ROBO2: variants seen among roughly 807,000 people sequenced by gnomAD.
The protein encoded by ROBO2 is roundabout homolog 2.
A neutral mutation model predicts 160.8 loss-of-function variants in ROBO2; 53 were observed. The ratio of observed to expected loss-of-function variants is 0.33; its 90% CI spans 0.26 to 0.41. ROBO2 has a LOEUF of 0.41. ROBO2 is among the 10% of genes least tolerant of loss of function. ROBO2 has a pLI of 1.00. For synonymous variants in ROBO2, 664 were observed against 611.7 expected, an observed-to-expected ratio of 1.09 and a Z score of -1.26; for missense variants, 1,577 against 1,722.4, an observed-to-expected ratio of 0.92 and a Z score of 1.49.
chr3:76,456,642 G>T (rs1205116669), intron 2 of ROBO2, among the ~76,000 whole-genome samples: 1 of 152,130 alleles, frequency 6.6e-6, no homozygotes, highest in Non-Finnish European at 1.5e-5. Flanking sequence ...TTTACATACA[G>T]CTTTTTAAAG....
chr3:76,864,424 A>T (rs1385818061), intron 2 of ROBO2, among the ~76,000 whole-genome samples: 1 of 152,110 alleles, frequency 6.6e-6, no homozygotes, highest in Non-Finnish European at 1.5e-5. Flanking sequence ...TTCCACCGAC[A>T]TCACAGAACT....
intron 2 of ROBO2, among the ~76,000 whole-genome samples, chr3:76,358,998 C>T (rs921588050): frequency 2.0e-5 from 3 of 147,162 alleles, no homozygotes; most frequent in African/African-American, 5.0e-5. Context: ...GTTCAATTCC[C>T]GCCTATGAGT....
At chr3:76,299,463 T>A (rs995677392) in intron 2 of ROBO2, among the ~76,000 whole-genome samples, 2 of 151,746 alleles carry the variant, frequency 1.3e-5, no homozygotes, top group Non-Finnish European at 2.9e-5. Context: ...ACAGAGAAAA[T>A]AAAGGGGAGA....
chr3:77,641,805 A>G (rs2095354830), intron 24 of ROBO2, among the ~76,000 whole-genome samples: 2 of 152,174 alleles, frequency 1.3e-5, no homozygotes, highest in South Asian at 4.1e-4. Flanking sequence ...AGTCGAAGGC[A>G]TACAAAATAT....
At chr3:76,450,456 A>T (rs530955241) in intron 2 of ROBO2, among the ~76,000 whole-genome samples, 1 of 152,288 alleles carries the variant, frequency 6.6e-6, no homozygotes, top group Non-Finnish European at 1.5e-5. Flanking sequence ...TAAATCTGGC[A>T]GAAAAAAATG....
intron 1 of ROBO2, among the ~76,000 whole-genome samples, chr3:77,071,073 G>A (rs1019554809): frequency 2.8e-4 from 42 of 152,122 alleles, no homozygotes; most frequent in African/African-American, 9.9e-4. Context: ...TTCGGAAGCC[G>A]CAGAAGGTTA....
At chr3:76,700,995 A>G (rs2107451205) in intron 2 of ROBO2, among the ~76,000 whole-genome samples, 1 of 152,198 alleles carries the variant, frequency 6.6e-6, no homozygotes, top group South Asian at 2.1e-4. Flanking sequence ...TAGTGTATTG[A>G]AGCTGTGTTA....
chr3:76,468,390 A>G (rs777363382), intron 2 of ROBO2, among the ~76,000 whole-genome samples: 2 of 152,072 alleles, frequency 1.3e-5, no homozygotes, highest in Non-Finnish European at 2.9e-5. Context: ...GAACCTTTCT[A>G]TCAACCTTAA....
At chr3:75,978,027 C>A (rs1251914789) in intron 2 of ROBO2, among the ~76,000 whole-genome samples, 2 of 151,396 alleles carry the variant, frequency 1.3e-5, no homozygotes, top group Non-Finnish European at 3.0e-5. Flanking sequence ...ACAGTATGTT[C>A]CAATTTTTCA....
chr3:76,052,962 G>A (rs1193644182), intron 2 of ROBO2, among the ~76,000 whole-genome samples: 1 of 151,732 alleles, frequency 6.6e-6, no homozygotes. Flanking sequence ...ATAACCTTTG[G>A]TTATTTATAT....
At chr3:77,530,984 G>A (rs2091678277) in intron 6 of ROBO2, among the ~76,000 whole-genome samples, 1 of 151,874 alleles carries the variant, frequency 6.6e-6, no homozygotes, top group African/African-American at 2.4e-5. Flanking sequence ...CATCTATTTT[G>A]GAGATGGGCA....
intron 2 of ROBO2, among the ~76,000 whole-genome samples, chr3:76,743,087 G>A (rs9857277): frequency 6.6e-6 from 1 of 151,984 alleles, no homozygotes; most frequent in African/African-American, 2.4e-5. Context: ...GCACCATATC[G>A]CAGGTTATGA....
At chr3:76,669,353 C>G (rs2092175007) in intron 2 of ROBO2, among the ~76,000 whole-genome samples, 1 of 152,122 alleles carries the variant, frequency 6.6e-6, no homozygotes, top group African/African-American at 2.4e-5. Flanking sequence ...AAAAACTTAA[C>G]ATATTTCTTT....
At chr3:76,168,640 C>A (rs1030675795) in intron 2 of ROBO2, among the ~76,000 whole-genome samples, 2 of 152,004 alleles carry the variant, frequency 1.3e-5, no homozygotes, top group Non-Finnish European at 2.9e-5. Context: ...TTTTGCAGTA[C>A]CTTGAGAGGT....
chr3:76,746,522 C>A (rs1188848156), intron 2 of ROBO2, among the ~76,000 whole-genome samples: 1 of 152,012 alleles, frequency 6.6e-6, no homozygotes, highest in Non-Finnish European at 1.5e-5. Context: ...TAATGATTGC[C>A]ATTCTAATTG....
At chr3:77,035,101 A>G (rs953135953), upstream of ROBO2, among the ~76,000 whole-genome samples, 1 of 151,904 alleles carries the variant, frequency 6.6e-6, no homozygotes, top group African/African-American at 2.4e-5. Flanking sequence ...GAGGCTGACT[A>G]TTCTCATTTG....
chr3:76,630,657 G>A, intron 2 of ROBO2, among the ~76,000 whole-genome samples: 1 of 152,264 alleles, frequency 6.6e-6, no homozygotes, highest in South Asian at 2.1e-4. Context: ...TTTAAGCTAA[G>A]CCACCTGAGT....
chr3:76,056,411 T>G (rs2067847838), intron 2 of ROBO2, among the ~76,000 whole-genome samples: 1 of 152,292 alleles, frequency 6.6e-6, no homozygotes, highest in East Asian at 1.9e-4. Flanking sequence ...TGCGTGATAT[T>G]TTCTTTAAAA....
intron 2 of ROBO2, among the ~76,000 whole-genome samples, chr3:76,293,842 T>C (rs1708930742): frequency 6.6e-6 from 1 of 152,236 alleles, no homozygotes; most frequent in South Asian, 2.1e-4. Context: ...CTATTATGAC[T>C]TGGCTTTAAT....
Sources: gnomAD v4.1 joint callset for allele counts (sites outside exome capture counted in the v4.1 genomes callset) on GRCh38, gnomAD v4.1.1 for gene constraint, MANE v1.5 for transcripts, NCBI Gene and HGNC (gene_info 2026-07-23, HGNC 2026-07-21) for gene names.